ARHGEF4: variants seen among roughly 807,000 people sequenced by gnomAD.
ARHGEF4 encodes the protein APC-stimulated guanine nucleotide exchange factor 1.
Under a neutral mutation model 162.0 loss-of-function variants are expected in ARHGEF4, and 119 were observed. The ratio of observed to expected loss-of-function variants is 0.73; its 90% CI spans 0.63 to 0.86. The LOEUF is 0.86. ARHGEF4 is among the 40% of genes least tolerant of loss of function. The pLI is 0.00. For missense variants in ARHGEF4, 2,488 were observed against 2,456.0 expected, an observed-to-expected ratio of 1.01 and a Z score of -0.28; for synonymous variants, 1,014 against 979.9, an observed-to-expected ratio of 1.03 and a Z score of -0.65.
intron 4 of ARHGEF4, among the ~76,000 whole-genome samples, chr2:130,999,742 G>A (rs377389309): frequency 3.9e-5 from 6 of 152,080 alleles, no homozygotes; most frequent in South Asian, 2.1e-4. Context: ...TGCTCTTGTC[G>A]CCCAGGCTGG....
chr2:130,893,030 G>A (rs1470326125), intron 1 of ARHGEF4, among the ~76,000 whole-genome samples: 3 of 152,348 alleles, frequency 2.0e-5, no homozygotes, highest in East Asian at 3.9e-4. Flanking sequence ...AGGCCAGACC[G>A]CTGAGTGTGG....
chr2:130,839,697 T>C (rs971567432), intron 1 of ARHGEF4, among the ~76,000 whole-genome samples: 2 of 152,144 alleles, frequency 1.3e-5, no homozygotes, highest in Admixed American at 6.5e-5. Context: ...GAAAATATGT[T>C]GTCTCAAAAA....
At chr2:130,841,326 A>G (rs924274764) in intron 1 of ARHGEF4, among the ~76,000 whole-genome samples, 42 of 150,266 alleles carry the variant, frequency 2.8e-4, no homozygotes, top group Non-Finnish European at 1.5e-5. Context: ...AGTCTCCCAA[A>G]GTGCTGGGAT....
At chr2:130,856,951 A>G (rs1051452063) in intron 1 of ARHGEF4, among the ~76,000 whole-genome samples, 2 of 152,216 alleles carry the variant, frequency 1.3e-5, no homozygotes, top group African/African-American at 4.8e-5. Context: ...GGCTGGGTGC[A>G]GTGGCTCACG....
At chr2:131,039,656 AGCCAGCGGGCGC>A in intron 6 of ARHGEF4, 1 of 1,164,326 alleles carries the variant, frequency 8.6e-7, no homozygotes, top group South Asian at 2.4e-5. Context: ...GTTGCATGTT[AGCCAGCGGGCGC>A]GCCACCCATC....
intron 4 of ARHGEF4, among the ~76,000 whole-genome samples, chr2:131,008,570 C>CT (rs763009607): frequency 5.3e-5 from 8 of 152,080 alleles, no homozygotes; most frequent in Admixed American, 6.6e-5. Flanking sequence ...TCATTTTCCT[C>CT]TTTTTTTGTC....
intron 5 of ARHGEF4, among the ~76,000 whole-genome samples, chr2:131,036,242 A>G (rs1690272748): frequency 6.6e-6 from 1 of 152,166 alleles, no homozygotes; most frequent in Admixed American, 6.5e-5. Flanking sequence ...ACTGTCTCTG[A>G]CCTCACAGAG....
chr2:130,985,948 T>G (rs944815717), intron 4 of ARHGEF4, among the ~76,000 whole-genome samples: 1 of 151,712 alleles, frequency 6.6e-6, no homozygotes, highest in African/African-American at 2.4e-5. Context: ...GTGTTGAGTG[T>G]TGTGTGTGTG....
intron 1 of ARHGEF4, among the ~76,000 whole-genome samples, chr2:130,870,453 C>T (rs1398724529): frequency 3.9e-5 from 6 of 152,178 alleles, no homozygotes; most frequent in African/African-American, 1.2e-4. Context: ...GGACACTGCC[C>T]AGGAGAGGGG....
intron 2 of ARHGEF4, among the ~76,000 whole-genome samples, chr2:130,925,043 T>A (rs997449062): frequency 1.7e-5 from 1 of 58,604 alleles, no homozygotes; most frequent in Non-Finnish European, 3.2e-5. Context: ...TAAGTGTGTG[T>A]GTGTGTGTGT....
chr2:130,840,820 G>A lies in ARHGEF4; in HGVS notation c.39+3828G>A, dbSNP rs572371962. Reference sequence around the variant, plus strand: ...CAGCTCAGAACCAGCCCTCAATGGTGCCGGGAGGTCCAGGTACTTCTCTGT... The same window carrying A: ...CAGCTCAGAACCAGCCCTCAATGGTACCGGGAGGTCCAGGTACTTCTCTGT... On this transcript the variant is annotated intron_variant, in intron 1 of 13. Coordinates refer to ENST00000409359, the MANE Select transcript of ARHGEF4 (RefSeq NM_001367493.1). Among the ~76,000 whole-genome samples the A allele has an allele frequency of 1.3e-4, 20 of 152,318 alleles. No individual in the cohort carries two copies. The South Asian group carries it at 3.7e-3, about 28-fold the overall frequency.
At chr2:130,971,327 C>T (rs1488197966) in intron 4 of ARHGEF4, among the ~76,000 whole-genome samples, 1 of 152,110 alleles carries the variant, frequency 6.6e-6, no homozygotes, top group African/African-American at 2.4e-5. Context: ...TGTTTTAATT[C>T]TTCTTCTTTT....
Position 131,046,197 on chromosome 2 carries a change from C to G in ARHGEF4, c.*8C>G. ...GCACCCTTCCGCAAGTGAACTGGTC[C>G]CTGCCTGACAGCACCTGCTGGGCCT... is the stretch of plus-strand genomic sequence containing the variant. On this transcript the variant is annotated 3_prime_UTR_variant, in exon 14 of 14. Transcript: ENST00000409359. The G allele has an allele frequency of 6.2e-7, 1 of 1,605,974 alleles. No individual in the cohort carries two copies. The highest frequency in any genetic ancestry group is 8.5e-7 in the Non-Finnish European group (1 of 1,174,954).
intron 4 of ARHGEF4, among the ~76,000 whole-genome samples, chr2:131,001,583 A>G (rs1421301014): frequency 1.3e-5 from 2 of 152,132 alleles, no homozygotes; most frequent in African/African-American, 4.8e-5. Flanking sequence ...GTAAATGTAA[A>G]TTTATACAGA....
At chr2:130,969,311 A>G (rs900214751) in intron 4 of ARHGEF4, among the ~76,000 whole-genome samples, 2 of 152,076 alleles carry the variant, frequency 1.3e-5, no homozygotes, top group African/African-American at 2.4e-5. Flanking sequence ...AAAAAATCAT[A>G]TGTCAGCCGG....
At chr2:130,960,504 T>C (rs1005490788) in intron 4 of ARHGEF4, among the ~76,000 whole-genome samples, 2 of 152,176 alleles carry the variant, frequency 1.3e-5, no homozygotes. Flanking sequence ...TAAGTTATGC[T>C]CTATGATGTT....
chr2:130,923,860 A>G (rs1265817153), intron 2 of ARHGEF4, among the ~76,000 whole-genome samples: 1 of 148,956 alleles, frequency 6.7e-6, no homozygotes, highest in Non-Finnish European at 1.5e-5. Flanking sequence ...CTTTAGCTGC[A>G]GTCTTTCTTT....
chr2:130,839,497 CTG>C (rs1452884386), intron 1 of ARHGEF4, among the ~76,000 whole-genome samples: 8 of 152,294 alleles, frequency 5.3e-5, no homozygotes, highest in African/African-American at 1.9e-4. Flanking sequence ...GGTACAGACT[CTG>C]TACAGCACAC....
At chr2:130,961,500 A>C (rs1331485444) in intron 4 of ARHGEF4, among the ~76,000 whole-genome samples, 2 of 152,166 alleles carry the variant, frequency 1.3e-5, no homozygotes, top group African/African-American at 4.8e-5. Context: ...AGCATGGGAC[A>C]GAGAGGGACA....
Sources: gnomAD v4.1 joint callset for allele counts (sites outside exome capture counted in the v4.1 genomes callset) on GRCh38, gnomAD v4.1.1 for gene constraint, MANE v1.5 for transcripts, NCBI Gene and HGNC (gene_info 2026-07-23, HGNC 2026-07-21) for gene names.